Variants in TMEM117 observed in about 807,000 individuals in gnomAD.
TMEM117 encodes the protein transmembrane protein 117.
TMEM117 carries 27 observed loss-of-function variants against 52.4 expected under a neutral mutation model. That is an observed-to-expected ratio of 0.51 (90% CI 0.38 to 0.71). TMEM117 has a LOEUF of 0.71. Ranked by LOEUF, TMEM117 falls within the 30% of genes least tolerant of loss-of-function variation. TMEM117 has a pLI of 0.00. For synonymous variants in TMEM117, 215 were observed against 206.3 expected (o/e 1.04, Z -0.36); for missense variants, 556 against 630.5 (o/e 0.88, Z 1.26).
At chr12:44,185,407 C>T (rs1949263490) in intron 4 of TMEM117, among the ~76,000 whole-genome samples, 1 of 152,046 alleles carries the variant, frequency 6.6e-6, no homozygotes. Flanking sequence ...CCTTTGTCCT[C>T]TAAGTTATAT....
intron 6 of TMEM117, among the ~76,000 whole-genome samples, chr12:44,360,723 T>G (rs1216254762): frequency 3.9e-5 from 6 of 152,136 alleles, no homozygotes; most frequent in African/African-American, 1.2e-4. Flanking sequence ...GTCGAGAATA[T>G]GAAGTCAAAA....
At chr12:44,080,675 G>T (rs972379607) in intron 3 of TMEM117, among the ~76,000 whole-genome samples, 1 of 151,984 alleles carries the variant, frequency 6.6e-6, no homozygotes, top group African/African-American at 2.4e-5. Context: ...TGATTTTCAC[G>T]TTTTTAAATG....
intron 3 of TMEM117, among the ~76,000 whole-genome samples, chr12:44,124,786 C>T (rs960157426): frequency 5.9e-5 from 9 of 152,134 alleles, no homozygotes; most frequent in African/African-American, 2.2e-4. Flanking sequence ...TTTTTATGTG[C>T]TGCTAGATTC....
At chr12:43,852,167 C>T (rs1475888875) in intron 2 of TMEM117, among the ~76,000 whole-genome samples, 2 of 152,216 alleles carry the variant, frequency 1.3e-5, no homozygotes, top group Admixed American at 6.5e-5. Context: ...CACGGTGGCT[C>T]ATGCCTGTAA....
intron 6 of TMEM117, among the ~76,000 whole-genome samples, chr12:44,330,511 G>T (rs570023240): frequency 1.3e-5 from 2 of 151,922 alleles, no homozygotes; most frequent in South Asian, 4.2e-4. Flanking sequence ...AATTCTACCT[G>T]TAATCAATAT....
At chr12:43,888,450 A>G (rs1202191056) in intron 2 of TMEM117, among the ~76,000 whole-genome samples, 1 of 152,174 alleles carries the variant, frequency 6.6e-6, no homozygotes, top group East Asian at 1.9e-4. Context: ...ATGGAAAAGC[A>G]ATTGTGAACT....
chr12:44,259,642 C>T (rs987107224), intron 5 of TMEM117, among the ~76,000 whole-genome samples: 1 of 152,094 alleles, frequency 6.6e-6, no homozygotes, highest in Non-Finnish European at 1.5e-5. Context: ...TAAGTGATGG[C>T]ATTCACTGAA....
chr12:44,299,646 C>G lies in TMEM117; in HGVS notation c.675C>G (p.Asp225Glu), dbSNP rs1950814124. The G allele has an allele frequency of 1.9e-6, 3 of 1,614,196 alleles. No homozygotes were observed. In the East Asian group the frequency reaches 6.7e-5, roughly 36 times the overall value. Residue 225 changes from aspartate to glutamate, a missense_variant, in exon 6 of 8, where the codon GAC (aspartate) becomes GAG (glutamate). Coordinates refer to ENST00000266534, the MANE Select transcript of TMEM117 (RefSeq NM_032256.3). Reference sequence around the variant, plus strand: ...TTACAACGGACTGGATCAGCTGGGACAAGCTGAATCGGGGATTTTTGCCCA... The same window carrying G: ...TTACAACGGACTGGATCAGCTGGGAGAAGCTGAATCGGGGATTTTTGCCCA... The part of the protein sequence containing the change: ...LVITTDWISW[D>E]KLNRGFLPSD...
chr12:43,904,649 T>C (rs989218792), intron 2 of TMEM117, among the ~76,000 whole-genome samples: 1 of 150,800 alleles, frequency 6.6e-6, no homozygotes, highest in African/African-American at 2.5e-5. Flanking sequence ...CTGTTGATCA[T>C]TTATCACTCC....
intron 2 of TMEM117, among the ~76,000 whole-genome samples, chr12:43,875,153 A>G (rs1438545479): frequency 2.6e-5 from 4 of 152,186 alleles, no homozygotes; most frequent in African/African-American, 9.7e-5. Context: ...GTTAAATACA[A>G]ACAGCTTCTT....
the TMEM117 span, among the ~76,000 whole-genome samples, chr12:43,799,075 T>G: frequency 6.6e-6 from 1 of 152,102 alleles, no homozygotes; most frequent in Non-Finnish European, 1.5e-5. Flanking sequence ...TTCTTTGCAC[T>G]AAATGGGTAA....
intron 5 of TMEM117, among the ~76,000 whole-genome samples, chr12:44,275,540 C>T (rs1407228370): frequency 6.6e-6 from 1 of 151,880 alleles, no homozygotes; most frequent in Non-Finnish European, 1.5e-5. Context: ...GATTTGGAAG[C>T]AATGTAAGTG....
intron 1 of TMEM117, among the ~76,000 whole-genome samples, chr12:43,836,529 G>C (rs1194516514): frequency 6.6e-6 from 1 of 152,172 alleles, no homozygotes; most frequent in African/African-American, 2.4e-5. Context: ...GCAGAGATAC[G>C]GCGGGAGAGC....
Position 44,295,142 on chromosome 12 carries a change from G to A in TMEM117, c.609-4438G>A, listed in dbSNP as rs145164463. ...TCTTCTCCTGTGACTTTCATAAATC[G>A]CGTATTTATTATCTTGATGGTACCC... On this transcript the variant is annotated intron_variant, in intron 5 of 7. Coordinates refer to ENST00000266534, the MANE Select transcript of TMEM117 (RefSeq NM_032256.3). Among the ~76,000 whole-genome samples, 1,112 of 151,740 alleles carry A rather than the reference G, an allele frequency of 7.3e-3. 8 individuals carry two copies. Among genetic ancestry groups the A allele is most frequent in the Middle Eastern group, 0.037 (11 of 294 alleles).
intron 3 of TMEM117, among the ~76,000 whole-genome samples, chr12:43,949,597 A>G (rs1441489084): frequency 1.3e-5 from 2 of 152,154 alleles, no homozygotes; most frequent in African/African-American, 2.4e-5. Context: ...GCTGCTGATC[A>G]CCAAGAGTTT....
intron 6 of TMEM117, among the ~76,000 whole-genome samples, chr12:44,345,532 A>G (rs1426274281): frequency 1.3e-5 from 2 of 152,156 alleles, no homozygotes; most frequent in Non-Finnish European, 2.9e-5. Flanking sequence ...TGATTAAATA[A>G]GAAAATATGT....
rs1951734977 is a variant in TMEM117, at chr12:44,362,574, ATAAT to A, written c.769-14017_769-14014del. On this transcript the variant is annotated intron_variant, in intron 6 of 7. Coordinates refer to ENST00000266534, the MANE Select transcript of TMEM117 (RefSeq NM_032256.3). The stretch of plus-strand genomic sequence containing the variant: ...GGTGATGGCACAAATAAAAGACAAA[ATAAT>A]TAAAAAAAAAAAGCAAAGGAAAGAG... Among the ~76,000 whole-genome samples the A allele has an allele frequency of 2.6e-5, 4 of 151,736 alleles. No homozygotes were observed. In the South Asian group the frequency reaches 6.2e-4, roughly 24 times the overall value.
At chr12:44,011,366 G>A (rs1449474629) in intron 3 of TMEM117, among the ~76,000 whole-genome samples, 2 of 152,088 alleles carry the variant, frequency 1.3e-5, no homozygotes, top group Non-Finnish European at 2.9e-5. Context: ...CTCATTCCAA[G>A]TGGAAGTAAT....
At chr12:44,204,141 C>CTCTCT (rs1949533314) in intron 4 of TMEM117, among the ~76,000 whole-genome samples, 1 of 152,178 alleles carries the variant, frequency 6.6e-6, no homozygotes, top group Non-Finnish European at 1.5e-5. Flanking sequence ...GCCAAATTCT[C>CTCTCT]TCTCTTCTCA....
Sources: gnomAD v4.1 joint callset for allele counts (sites outside exome capture counted in the v4.1 genomes callset) on GRCh38, gnomAD v4.1.1 for gene constraint, MANE v1.5 for transcripts, NCBI Gene and HGNC (gene_info 2026-07-23, HGNC 2026-07-21) for gene names.